MAST2: variants seen among roughly 807,000 people sequenced by gnomAD.
MAST2 encodes microtubule-associated serine/threonine-protein kinase 2.
Under a neutral mutation model 147.4 loss-of-function variants are expected in MAST2, and 70 were observed. The observed-to-expected ratio is 0.47, with a 90% confidence interval of 0.39 to 0.58. The LOEUF (loss-of-function observed/expected upper bound fraction) is 0.58, where lower values mean the gene tolerates loss of function less well. Ranked by LOEUF, MAST2 falls within the 20% of genes least tolerant of loss-of-function variation. The pLI is 0.00. For missense variants in MAST2, 2,080 were observed against 2,302.3 expected, an observed-to-expected ratio of 0.90 and a Z score of 1.98; for synonymous variants, 869 against 896.8, an observed-to-expected ratio of 0.97 and a Z score of 0.55.
intron 4 of MAST2, among the ~76,000 whole-genome samples, chr1:45,939,426 T>A: frequency 6.6e-6 from 1 of 152,188 alleles, no homozygotes; most frequent in East Asian, 1.9e-4. Context: ...TTATACTAAG[T>A]TTTGAAATCA....
At chr1:45,857,923 C>T (rs1483323179) in intron 3 of MAST2, among the ~76,000 whole-genome samples, 5 of 148,436 alleles carry the variant, frequency 3.4e-5, no homozygotes, top group Non-Finnish European at 5.9e-5. Flanking sequence ...TCATCCATGT[C>T]CCTACAAAGG....
At position 46,005,337 on chromosome 1, in the gene MAST2, G is replaced by A. The variant is rs376295283; in HGVS notation, c.748-904G>A. 3.5e-3 allele frequency among the ~76,000 whole-genome samples: 525 copies of A among 151,896 alleles called. 2 individuals are homozygous for A. Among genetic ancestry groups the A allele is most frequent in the African/African-American group, 0.011 (476 of 41,406 alleles). On this transcript the variant is annotated intron_variant, in intron 7 of 28. Transcript: ENST00000361297. Reference sequence around the variant, plus strand: ...AGATCGTGCCATTGCACTCCAGCCTGGGCAACAAGAGCGAAACTCTGTCTC... The same window carrying A: ...AGATCGTGCCATTGCACTCCAGCCTAGGCAACAAGAGCGAAACTCTGTCTC...
chr1:45,990,767 T>C (rs901981749), intron 5 of MAST2, among the ~76,000 whole-genome samples: 1 of 152,250 alleles, frequency 6.6e-6, no homozygotes, highest in African/African-American at 2.4e-5. Context: ...ATTACAGGCA[T>C]GAGCCACCAT....
chr1:45,811,856 G>C (rs981615292), intron 1 of MAST2, among the ~76,000 whole-genome samples: 1 of 151,884 alleles, frequency 6.6e-6, no homozygotes, highest in African/African-American at 2.4e-5. Context: ...GGATGGTCTT[G>C]ATCTCCTGAC....
chr1:45,935,798 G>GTAT (rs1220488428), intron 4 of MAST2, among the ~76,000 whole-genome samples: 1 of 152,144 alleles, frequency 6.6e-6, no homozygotes, highest in African/African-American at 2.4e-5. Context: ...TAGCCTTGTG[G>GTAT]TATAGTTTGA....
chr1:45,869,911 T>TTTTGTTTGTTTGTTTG (rs58270514), intron 3 of MAST2, among the ~76,000 whole-genome samples: 10 of 150,806 alleles, frequency 6.6e-5, no homozygotes, highest in African/African-American at 2.0e-4. Context: ...CCTGTGATTC[T>TTTTGTTTGTTTGTTTG]TTTGTTTGTT....
chr1:45,828,577 G>C (rs1484160818), intron 2 of MAST2, among the ~76,000 whole-genome samples: 2 of 152,332 alleles, frequency 1.3e-5, no homozygotes, highest in East Asian at 3.9e-4. Context: ...ACAAGCAAAA[G>C]TGTGAAGAAT....
At chr1:45,866,171 A>G (rs188418780) in intron 3 of MAST2, among the ~76,000 whole-genome samples, 1 of 152,210 alleles carries the variant, frequency 6.6e-6, no homozygotes, top group Non-Finnish European at 1.5e-5. Context: ...TATTATATGT[A>G]CTTCTTATTG....
intron 5 of MAST2, among the ~76,000 whole-genome samples, chr1:45,961,134 A>G (rs1209057146): frequency 6.6e-6 from 1 of 152,122 alleles, no homozygotes; most frequent in African/African-American, 2.4e-5. Context: ...CTCAATCACA[A>G]GCTGTCACTT....
intron 1 of MAST2, among the ~76,000 whole-genome samples, chr1:45,806,600 CAG>C (rs750217718): frequency 6.6e-6 from 1 of 152,104 alleles, no homozygotes; most frequent in Non-Finnish European, 1.5e-5. Context: ...CTTTTTGAGA[CAG>C]AGTCTTGCTC....
At chr1:46,020,601 C>T (rs1351979724) in intron 11 of MAST2, among the ~76,000 whole-genome samples, 1 of 152,148 alleles carries the variant, frequency 6.6e-6, no homozygotes, top group Non-Finnish European at 1.5e-5. Flanking sequence ...TGAGATTTAA[C>T]AAATACACAC....
rs1646801675 is a variant in MAST2 at position 46,034,217 on chromosome 1, C to A, written c.3819C>A (p.Pro1273=). ...GSPTHSHSLS[P]RSPTQGYRVT... The stretch of plus-strand genomic sequence containing the variant: ...CCACACACAGCCACAGCCTTTCCCC[C>A]CGATCTCCCACTCAAGGCTACCGGG... The change falls in exon 28 of 29, where the codon CCC becomes CCA. Residue 1273 remains proline (P), a synonymous_variant. Coordinates refer to ENST00000361297, the MANE Select transcript of MAST2 (RefSeq NM_015112.3). 1 of 1,613,982 alleles carries A rather than the reference C, an allele frequency of 6.2e-7. No homozygotes were observed. The highest frequency in any genetic ancestry group is 1.3e-5 in the African/African-American group (1 of 74,908).
At chr1:45,812,923 T>A (rs1407036788) in intron 1 of MAST2, among the ~76,000 whole-genome samples, 1 of 152,156 alleles carries the variant, frequency 6.6e-6, no homozygotes, top group African/African-American at 2.4e-5. Context: ...TTCTTAACCT[T>A]ACCTGTATTC....
At chr1:45,882,191 CAAA>C (rs869149432) in intron 3 of MAST2, among the ~76,000 whole-genome samples, 170 bp from the exon 4 acceptor site, 1 of 67,710 alleles carries the variant, frequency 1.5e-5, no homozygotes, top group African/African-American at 4.8e-5. Context: ...GACTCCGTCT[CAAA>C]AAAAAAAAAA....
At position 46,033,295 on chromosome 1, in the gene MAST2, C is replaced by T. The variant is rs533875275; in HGVS notation, c.3538-507C>T. 1.4e-4 allele frequency among the ~76,000 whole-genome samples: 21 copies of T among 151,130 alleles called. No individual in the cohort carries two copies. In the East Asian group the frequency reaches 2.9e-3, roughly 21 times the overall value. On this transcript the variant is annotated intron_variant, in intron 26 of 28. Coordinates refer to ENST00000361297, the MANE Select transcript of MAST2 (RefSeq NM_015112.3). ...TCCAAAAAAAAAAAAAAAAATTAGC[C>T]GAGTGTGGTAGCACATGCCTGTAAT...
intron 1 of MAST2, among the ~76,000 whole-genome samples, chr1:45,817,530 G>T (rs1035043876): frequency 1.3e-5 from 2 of 152,206 alleles, no homozygotes; most frequent in Non-Finnish European, 2.9e-5. Context: ...AGACAGAGAA[G>T]TCGAGTAATT....
intron 3 of MAST2, among the ~76,000 whole-genome samples, chr1:45,873,361 T>G (rs983403827): frequency 6.6e-6 from 1 of 151,704 alleles, no homozygotes; most frequent in Non-Finnish European, 1.5e-5. Flanking sequence ...CCTGGCTAAT[T>G]TTTTTTGAGC....
In MAST2 at chr1:46,033,928, G is replaced by A. The variant is rs1480346585; in HGVS notation, c.3664G>A (p.Gly1222Arg). 1 of 1,614,054 alleles carries A rather than the reference G, an allele frequency of 6.2e-7. No homozygotes were observed. The highest frequency in any genetic ancestry group is 2.2e-5 in the East Asian group (1 of 44,878). Reference sequence around the variant, plus strand: ...GAGCAAGAGGAGCCGCGGCAAGGATGGGCAAGAAAGGTGAGCCAGGCGCAG... The same window carrying A: ...GAGCAAGAGGAGCCGCGGCAAGGATAGGCAAGAAAGGTGAGCCAGGCGCAG... The part of the protein sequence containing the change: ...RRSKRSRGKD[G>R]QESRKRSSLF... The change falls in exon 27 of 29, where the codon GGG becomes AGG. Residue 1222 changes from glycine (G) to arginine (R), a missense_variant. Gly to Arg is a moderately radical substitution (Grantham distance 125). Transcript: ENST00000361297.
chr1:45,963,233 T>A (rs565009252), intron 5 of MAST2, among the ~76,000 whole-genome samples: 1 of 152,184 alleles, frequency 6.6e-6, no homozygotes, highest in Admixed American at 6.6e-5. Flanking sequence ...CTTAGGATTG[T>A]CTTGGCAATG....
Sources: gnomAD v4.1 joint callset for allele counts (sites outside exome capture counted in the v4.1 genomes callset) on GRCh38, gnomAD v4.1.1 for gene constraint, MANE v1.5 for transcripts, NCBI Gene and HGNC (gene_info 2026-07-23, HGNC 2026-07-21) for gene names.